CDH8: variants seen among roughly 807,000 people sequenced by gnomAD.
The protein encoded by CDH8 is cadherin-8.
CDH8 carries 17 observed loss-of-function variants against 68.1 expected under a neutral mutation model. The observed-to-expected ratio is 0.25, with a 90% CI of 0.17 to 0.37. The LOEUF is 0.37. Ranked by LOEUF, CDH8 falls within the 10% of genes least tolerant of loss-of-function variation. The probability of loss-of-function intolerance (pLI) is 1.00; values close to 1 mark genes in which losing one functional copy is unlikely to be tolerated. For missense variants in CDH8, 763 were observed against 999.3 expected, an observed-to-expected ratio of 0.76 and a Z score of 3.19; for synonymous variants, 372 against 365.1, an observed-to-expected ratio of 1.02 and a Z score of -0.21.
intron 9 of CDH8, among the ~76,000 whole-genome samples, chr16:61,724,830 A>G (rs1402951259): frequency 1.3e-5 from 2 of 150,728 alleles, no homozygotes; most frequent in Non-Finnish European, 3.0e-5. Flanking sequence ...TTGAACTTCT[A>G]TAAGTAAACA....
chr16:61,728,696 G>T lies in CDH8; in HGVS notation c.1415-1481C>A, dbSNP rs1421804799. ...GAAGTTTATAATTTGAGTAAGGTGT[G>T]GTTATATTTTTAAATATTTACTTCC... On this transcript the variant is annotated intron_variant, in intron 8 of 11. Transcript: ENST00000577390. Among the ~76,000 whole-genome samples, 13 of 150,956 alleles carry T rather than the reference G, an allele frequency of 8.6e-5. No homozygotes were observed. The Admixed American group carries it at 8.6e-4, about 10-fold the overall frequency.
chr16:61,684,790 A>G (rs1220437281), intron 10 of CDH8, among the ~76,000 whole-genome samples: 1 of 151,972 alleles, frequency 6.6e-6, no homozygotes, highest in East Asian at 1.9e-4. Flanking sequence ...CAAGTTATTC[A>G]TCTCCCTTAT....
At chr16:61,865,906 A>G (rs2143021277) in intron 3 of CDH8, among the ~76,000 whole-genome samples, 1 of 152,310 alleles carries the variant, frequency 6.6e-6, no homozygotes, top group East Asian at 1.9e-4. Flanking sequence ...ACAGATGCCC[A>G]GATGCCTTCT....
chr16:62,023,712 G>C (rs1018711532), intron 1 of CDH8, among the ~76,000 whole-genome samples: 2 of 152,132 alleles, frequency 1.3e-5, no homozygotes, highest in Non-Finnish European at 2.9e-5. Context: ...CTATGGTGGA[G>C]GATGAGGATG....
chr16:61,923,737 A>G (rs1300925598), intron 2 of CDH8, among the ~76,000 whole-genome samples: 1 of 148,236 alleles, frequency 6.7e-6, no homozygotes, highest in Non-Finnish European at 1.5e-5. Context: ...ATATATATAT[A>G]TACATCACAT....
At chr16:61,864,225 G>C (rs1963207966) in intron 3 of CDH8, among the ~76,000 whole-genome samples, 1 of 152,094 alleles carries the variant, frequency 6.6e-6, no homozygotes, top group Non-Finnish European at 1.5e-5. Flanking sequence ...GGATACTTCT[G>C]TACTGACTGT....
chr16:61,655,844 T>C, intron 10 of CDH8, 123 bp from the exon 11 acceptor site: 1 of 769,648 alleles, frequency 1.3e-6, no homozygotes, highest in Non-Finnish European at 2.0e-6. Flanking sequence ...AAAGGACTGC[T>C]CAGGCTTTTT....
chr16:61,757,051 T>A (rs548907115), intron 8 of CDH8, among the ~76,000 whole-genome samples: 2 of 152,342 alleles, frequency 1.3e-5, no homozygotes, highest in African/African-American at 2.4e-5. Flanking sequence ...TTATCTTTTT[T>A]AAATTTCCAA....
At position 62,007,616 on chromosome 16, in the gene CDH8, C is replaced by T. The variant is rs1965999518; in HGVS notation, c.252+13536G>A. The stretch of plus-strand genomic sequence containing the variant: ...AAAGCAAAAACAAAAAAAATCAGAA[C>T]CTGTGTGAACAGAAAAGTATATACA... On this transcript the variant is annotated intron_variant, in intron 2 of 11. Coordinates refer to ENST00000577390, the MANE Select transcript of CDH8 (RefSeq NM_001796.5). Among the ~76,000 whole-genome samples, 2 of 151,988 alleles carry T rather than the reference C, an allele frequency of 1.3e-5. 1 individual carries two copies. The highest frequency in any genetic ancestry group is 4.1e-4 in the South Asian group (2 of 4,828).
At position 61,784,003 on chromosome 16, in the gene CDH8, C is replaced by G. The variant is rs555023930; in HGVS notation, c.1414+5343G>C. On this transcript the variant is annotated intron_variant, in intron 8 of 11. Transcript: ENST00000577390. ...AATCATGCCAAAATGTAAAGACCAT[C>G]GAGGCTAGGAAGAAACTGCATCAAC... Among the ~76,000 whole-genome samples, 5 of 152,062 alleles carry G rather than the reference C, an allele frequency of 3.3e-5. No individual in the cohort carries two copies. The South Asian group carries it at 6.2e-4, about 19-fold the overall frequency.
chr16:61,913,112 A>G (rs2143335506), intron 2 of CDH8, among the ~76,000 whole-genome samples: 1 of 152,280 alleles, frequency 6.6e-6, no homozygotes, highest in East Asian at 1.9e-4. Context: ...GAAAACTTCA[A>G]CAATTTGCAT....
At chr16:61,854,129 TACACACAC>T (rs3069985) in intron 4 of CDH8, among the ~76,000 whole-genome samples, 2,944 of 145,688 alleles carry the variant, frequency 0.02, 97 homozygotes, top group African/African-American at 0.068. Flanking sequence ...CATATACACA[TACACACAC>T]ACACACACAC....
chr16:62,004,917 A>G (rs1415138823), intron 2 of CDH8, among the ~76,000 whole-genome samples: 2 of 152,218 alleles, frequency 1.3e-5, no homozygotes, highest in Non-Finnish European at 2.9e-5. Flanking sequence ...TAAAAGAGAA[A>G]GCCAGAACCT....
rs78472778 is a variant in CDH8, at chr16:61,859,064, GATA to G, written c.548-1829_548-1827del. Among the ~76,000 whole-genome samples the G allele has an allele frequency of 2.4e-4, 37 of 152,252 alleles. 2 individuals are homozygous for G. In the East Asian group the frequency reaches 7.2e-3, roughly 29 times the overall value. ...GAATTACAGTCACTCCAAGTGAAAA[GATA>G]ATAATAATATTTGTTGAGCAGTTGA... On this transcript the variant is annotated intron_variant, in intron 3 of 11. Coordinates refer to ENST00000577390, the MANE Select transcript of CDH8 (RefSeq NM_001796.5).
chr16:61,987,856 G>A (rs752961732), intron 2 of CDH8, among the ~76,000 whole-genome samples: 1 of 151,984 alleles, frequency 6.6e-6, no homozygotes, highest in Non-Finnish European at 1.5e-5. Context: ...TGCATTTCAG[G>A]CACTTTGTAT....
At position 61,652,737 on chromosome 16, in the gene CDH8, C is replaced by A; in HGVS notation, c.*871G>T. 9.1e-6 allele frequency: 12 copies of A among 1,312,248 alleles called. No homozygotes were observed. Among genetic ancestry groups the A allele is most frequent in the Non-Finnish European group, 1.1e-5 (11 of 1,031,566 alleles). The allele number at this position is 1,312,248 out of a possible 1,614,324, so 81.3% of individuals were successfully genotyped here. ...GATTACCGACCTTAATAAATAAAAG[C>A]ATTAATGGACATCAATAAAATATTT... On this transcript the variant is annotated 3_prime_UTR_variant, in exon 12 of 12. Coordinates refer to ENST00000577390, the MANE Select transcript of CDH8 (RefSeq NM_001796.5).
intron 7 of CDH8, among the ~76,000 whole-genome samples, chr16:61,816,051 T>A (rs183584158): frequency 1.6e-4 from 25 of 152,240 alleles, no homozygotes; most frequent in Admixed American, 5.2e-4. Flanking sequence ...TTTGCATATG[T>A]CTATAGTTTG....
chr16:61,750,877 T>A (rs921557360), intron 8 of CDH8, among the ~76,000 whole-genome samples: 2 of 152,156 alleles, frequency 1.3e-5, no homozygotes, highest in Non-Finnish European at 2.9e-5. Context: ...TAGCTTTTGA[T>A]TTCTTGCACA....
intron 3 of CDH8, among the ~76,000 whole-genome samples, chr16:61,885,963 CT>C (rs928414908): frequency 6.6e-6 from 1 of 152,086 alleles, no homozygotes; most frequent in African/African-American, 2.4e-5. Context: ...AGCACAGAGT[CT>C]TTTTTCTTAC....
Sources: gnomAD v4.1 joint callset for allele counts (sites outside exome capture counted in the v4.1 genomes callset) on GRCh38, gnomAD v4.1.1 for gene constraint, MANE v1.5 for transcripts, NCBI Gene and HGNC (gene_info 2026-07-23, HGNC 2026-07-21) for gene names.